The following IGF2BP2 variants were observed in gnomAD, a reference collection of about 807,000 sequenced individuals.
IGF2BP2 encodes the protein insulin like growth factor 2 mRNA binding protein 2.
Under a neutral mutation model 75.8 loss-of-function variants are expected in IGF2BP2, and 17 were observed. That is an observed-to-expected ratio of 0.22 (90% CI 0.15 to 0.34). The LOEUF (loss-of-function observed/expected upper bound fraction) is 0.34, where lower values mean the gene tolerates loss of function less well. Ranked by LOEUF, IGF2BP2 falls within the 10% of genes least tolerant of loss-of-function variation. IGF2BP2 has a pLI of 1.00. For synonymous variants in IGF2BP2, 288 were observed against 295.6 expected (o/e 0.97, Z 0.26); for missense variants, 516 against 772.4 (o/e 0.67, Z 3.93).
chr3:185,674,767 A>G (rs948887932), intron 9 of IGF2BP2, among the ~76,000 whole-genome samples: 1 of 152,216 alleles, frequency 6.6e-6, no homozygotes, highest in African/African-American at 2.4e-5. Flanking sequence ...TTTTGTATGT[A>G]GCCTTCCAGT....
intron 12 of IGF2BP2, among the ~76,000 whole-genome samples, chr3:185,652,560 C>A (rs1043447916): frequency 6.6e-6 from 1 of 152,158 alleles, no homozygotes; most frequent in African/African-American, 2.4e-5. Flanking sequence ...AAGGGCAGGT[C>A]CACCAAGGTG....
intron 2 of IGF2BP2, among the ~76,000 whole-genome samples, chr3:185,782,807 G>A (rs1735381062): frequency 6.6e-6 from 1 of 152,144 alleles, no homozygotes; most frequent in African/African-American, 2.4e-5. Context: ...AGTTCACCAG[G>A]ATCCCAGGGT....
intron 12 of IGF2BP2, among the ~76,000 whole-genome samples, chr3:185,656,605 C>T (rs1197776710): frequency 1.3e-5 from 2 of 152,212 alleles, no homozygotes; most frequent in South Asian, 2.1e-4. Flanking sequence ...AGGCTTGGGA[C>T]GTGCTCAGCA....
At chr3:185,686,536 TG>T (rs1721161061) in intron 7 of IGF2BP2, among the ~76,000 whole-genome samples, 1 of 152,058 alleles carries the variant, frequency 6.6e-6, no homozygotes, top group African/African-American at 2.4e-5. Flanking sequence ...AGAAGCATGG[TG>T]GGAGAAATCT....
At chr3:185,666,937 T>C (rs1005782647) in intron 10 of IGF2BP2, among the ~76,000 whole-genome samples, 3 of 152,248 alleles carry the variant, frequency 2.0e-5, no homozygotes, top group Non-Finnish European at 4.4e-5. Flanking sequence ...TCCAATCTTT[T>C]CTTTGATTTT....
At chr3:185,701,752 A>G (rs1400262114) in intron 2 of IGF2BP2, among the ~76,000 whole-genome samples, 1 of 152,202 alleles carries the variant, frequency 6.6e-6, no homozygotes, top group Non-Finnish European at 1.5e-5. Context: ...TCAGATCAGG[A>G]TGGAAAGGAA....
At chr3:185,813,721 T>C (rs1006655712) in intron 2 of IGF2BP2, among the ~76,000 whole-genome samples, 2 of 152,184 alleles carry the variant, frequency 1.3e-5, no homozygotes, top group African/African-American at 4.8e-5. Flanking sequence ...ACATTCCAAG[T>C]AAGTGTATGC....
chr3:185,646,456 C>T (rs1039970551), intron 15 of IGF2BP2, among the ~76,000 whole-genome samples: 19 of 152,200 alleles, frequency 1.2e-4, no homozygotes, highest in Non-Finnish European at 4.4e-5. Flanking sequence ...AACGCTCTCC[C>T]CAAAACTCAA....
intron 2 of IGF2BP2, among the ~76,000 whole-genome samples, chr3:185,734,159 C>T (rs751096101): frequency 2.0e-5 from 3 of 152,176 alleles, no homozygotes; most frequent in East Asian, 1.9e-4. Context: ...ACCTCTGCTC[C>T]GGCACCTCTC....
intron 2 of IGF2BP2, among the ~76,000 whole-genome samples, chr3:185,741,569 C>T (rs1560392882): frequency 6.6e-6 from 1 of 152,194 alleles, no homozygotes; most frequent in East Asian, 1.9e-4. Flanking sequence ...CTGGAATTCG[C>T]TCTGAACAGA....
At chr3:185,707,188 G>A (rs1724148169) in intron 2 of IGF2BP2, among the ~76,000 whole-genome samples, 1 of 22,192 alleles carries the variant, frequency 4.5e-5, no homozygotes, top group Admixed American at 4.1e-4. Flanking sequence ...TCGCATCACT[G>A]CACTCCAGCC....
intron 2 of IGF2BP2, among the ~76,000 whole-genome samples, chr3:185,780,973 C>A (rs1380406200): frequency 6.6e-6 from 1 of 152,134 alleles, no homozygotes; most frequent in Non-Finnish European, 1.5e-5. Flanking sequence ...AAATATAATA[C>A]CTATCCACAT....
At chr3:185,821,208 T>C (rs1741333150) in intron 2 of IGF2BP2, 1 of 1,251,490 alleles carries the variant, frequency 8.0e-7, no homozygotes, top group Non-Finnish European at 1.1e-6. Context: ...CAATCAGAAA[T>C]GATGTAACTC....
chr3:185,672,104 A>C (rs949621965), intron 10 of IGF2BP2, among the ~76,000 whole-genome samples: 1 of 152,232 alleles, frequency 6.6e-6, no homozygotes, highest in African/African-American at 2.4e-5. Context: ...CCTATTAATA[A>C]GACAATACAT....
chr3:185,715,985 A>ATTT (rs1468652974), intron 2 of IGF2BP2, among the ~76,000 whole-genome samples: 1 of 152,182 alleles, frequency 6.6e-6, no homozygotes. Context: ...TGCCAGGTCC[A>ATTT]CTTAACCAAC....
At chr3:185,774,225 T>G (rs1734240374) in intron 2 of IGF2BP2, among the ~76,000 whole-genome samples, 1 of 152,162 alleles carries the variant, frequency 6.6e-6, no homozygotes, top group South Asian at 2.1e-4. Context: ...ACACAGGGCT[T>G]GCATGGTTTC....
intron 2 of IGF2BP2, among the ~76,000 whole-genome samples, chr3:185,739,309 C>T (rs1729235884): frequency 6.6e-6 from 1 of 152,128 alleles, no homozygotes; most frequent in African/African-American, 2.4e-5. Context: ...AATTGCAGGG[C>T]ATTTAAACAG....
At chr3:185,801,402 T>G (rs1404242760) in intron 2 of IGF2BP2, among the ~76,000 whole-genome samples, 1 of 151,352 alleles carries the variant, frequency 6.6e-6, no homozygotes, top group African/African-American at 2.4e-5. Context: ...GGCAGGAGAA[T>G]TGCTTGAACC....
chr3:185,646,925 T>G, intron 15 of IGF2BP2, 100 bp downstream of exon 15: 1 of 851,082 alleles, frequency 1.2e-6, no homozygotes, highest in Non-Finnish European at 2.0e-6. Flanking sequence ...TTGGCGTGGA[T>G]TGATGCTCAG....
Sources: gnomAD v4.1 joint callset for allele counts (sites outside exome capture counted in the v4.1 genomes callset) on GRCh38, gnomAD v4.1.1 for gene constraint, MANE v1.5 for transcripts, NCBI Gene and HGNC (gene_info 2026-07-23, HGNC 2026-07-21) for gene names.